Variants in COL25A1 observed in about 807,000 individuals in gnomAD.
The protein encoded by COL25A1 is collagen alpha-1(XXV) chain.
COL25A1 carries 103 observed loss-of-function variants against 128.4 expected under a neutral mutation model. The ratio of observed to expected loss-of-function variants is 0.80; its 90% CI spans 0.68 to 0.94. The LOEUF is 0.94. COL25A1 is among the 40% of genes least tolerant of loss of function. The probability of loss-of-function intolerance (pLI) is 0.00; values close to 1 mark genes in which losing one functional copy is unlikely to be tolerated. For missense variants in COL25A1, 745 were observed against 840.0 expected, an observed-to-expected ratio of 0.89 and a Z score of 1.40; for synonymous variants, 279 against 277.2, an observed-to-expected ratio of 1.01 and a Z score of -0.06.
intron 3 of COL25A1, among the ~76,000 whole-genome samples, chr4:109,079,039 T>TA (rs1763615203): frequency 6.6e-6 from 1 of 152,244 alleles, no homozygotes; most frequent in African/African-American, 2.4e-5. Flanking sequence ...AGAAGAATCT[T>TA]ACAATTTCTG....
chr4:108,863,179 G>T (rs1048575527), intron 21 of COL25A1, 140 bp downstream of exon 21: 5 of 790,114 alleles, frequency 6.3e-6, no homozygotes, highest in Non-Finnish European at 1.1e-5. Flanking sequence ...CTTTTGAAAA[G>T]AACCAGTTGG....
At chr4:108,973,659 T>C (rs1326551451) in intron 8 of COL25A1, among the ~76,000 whole-genome samples, 1 of 152,180 alleles carries the variant, frequency 6.6e-6, no homozygotes, top group African/African-American at 2.4e-5. Context: ...TTGAGAGGTA[T>C]GTCGAACGGA....
chr4:109,071,936 T>A (rs1055227959), intron 3 of COL25A1, among the ~76,000 whole-genome samples: 1 of 152,214 alleles, frequency 6.6e-6, no homozygotes, highest in African/African-American at 2.4e-5. Flanking sequence ...GACCCAGCCA[T>A]CCCATTACTG....
chr4:109,210,682 C>G (rs1777423243), intron 3 of COL25A1, among the ~76,000 whole-genome samples: 1 of 152,050 alleles, frequency 6.6e-6, no homozygotes, highest in Non-Finnish European at 1.5e-5. Flanking sequence ...AAAATACAGT[C>G]TCAATCTGAC....
intron 3 of COL25A1, among the ~76,000 whole-genome samples, chr4:109,193,044 T>C (rs1308765238): frequency 6.6e-6 from 1 of 152,120 alleles, no homozygotes; most frequent in East Asian, 1.9e-4. Flanking sequence ...TTCTATATCG[T>C]TGTGTAATAC....
intron 19 of COL25A1, among the ~76,000 whole-genome samples, chr4:108,872,231 C>A (rs907124046): frequency 1.4e-4 from 21 of 152,076 alleles, no homozygotes; most frequent in Admixed American, 4.6e-4. Context: ...GCCTGGCCAA[C>A]ATGGTGAAAA....
At chr4:108,955,947 C>T (rs1395829766) in intron 8 of COL25A1, among the ~76,000 whole-genome samples, 1 of 151,826 alleles carries the variant, frequency 6.6e-6, no homozygotes, top group African/African-American at 2.4e-5. Flanking sequence ...GTGTTTTAGC[C>T]AAATAAACAG....
chr4:108,823,018 A>T (rs745471031), intron 35 of COL25A1, among the ~76,000 whole-genome samples: 1 of 152,122 alleles, frequency 6.6e-6, no homozygotes, highest in Non-Finnish European at 1.5e-5. Context: ...GGGCTCTCTT[A>T]CCAATGGGTG....
Position 108,951,676 on chromosome 4 carries a change from G to A in COL25A1, c.493-10239C>T, listed in dbSNP as rs574922484. Among the ~76,000 whole-genome samples the A allele has an allele frequency of 9.9e-5, 15 of 152,260 alleles. No homozygotes were observed. In the East Asian group the frequency reaches 2.1e-3, roughly 22 times the overall value. On this transcript the variant is annotated intron_variant, in intron 8 of 37. Transcript: ENST00000399132. ...GTTGGGATTACAGGCGTAAGCCACC[G>A]CGCCCAGCCAAAATATTTTTTCTTA...
intron 3 of COL25A1, among the ~76,000 whole-genome samples, chr4:109,153,089 T>C (rs1298806014): frequency 1.3e-5 from 2 of 152,176 alleles, no homozygotes; most frequent in African/African-American, 4.8e-5. Flanking sequence ...TTTTAAGTGC[T>C]ACAAAAGTAC....
Position 109,197,443 on chromosome 4 carries a change from A to ATATATAAATATTATATATTATATATAT in COL25A1, c.367+103139_367+103140insATATATATAATATATAATATTTATATA, listed in dbSNP as rs1776172817. Among the ~76,000 whole-genome samples, 4 of 117,978 alleles carry ATATATAAATATTATATATTATATATAT rather than the reference A, an allele frequency of 3.4e-5. No homozygotes were observed. In the South Asian group the frequency reaches 7.2e-4, roughly 21 times the overall value. The allele number at this position is 117,978 out of a possible 152,430, so 77.4% of individuals were successfully genotyped here. ...ATATTATATATAAATATTATATATT[A>ATATATAAATATTATATATTATATATAT]TATATATTATATATAAATATTATAT... is the stretch of plus-strand genomic sequence containing the variant. On this transcript the variant is annotated intron_variant, in intron 3 of 37. Coordinates refer to ENST00000399132, the MANE Select transcript of COL25A1 (RefSeq NM_198721.4).
intron 14 of COL25A1, among the ~76,000 whole-genome samples, chr4:108,899,787 G>C (rs1229984809): frequency 6.6e-6 from 1 of 151,940 alleles, no homozygotes; most frequent in African/African-American, 2.4e-5. Context: ...ACTAGAATGG[G>C]GCAGAATTGA....
At chr4:109,298,089 T>G (rs1360504715) in intron 3 of COL25A1, among the ~76,000 whole-genome samples, 1 of 152,050 alleles carries the variant, frequency 6.6e-6, no homozygotes, top group Non-Finnish European at 1.5e-5. Context: ...CATGTTAAGT[T>G]AATCATCTTC....
intron 11 of COL25A1, among the ~76,000 whole-genome samples, chr4:108,932,937 G>T (rs1328951413): frequency 1.3e-5 from 2 of 152,122 alleles, no homozygotes; most frequent in Non-Finnish European, 2.9e-5. Context: ...TCCTTATTTA[G>T]ATGGAGTCAA....
intron 3 of COL25A1, among the ~76,000 whole-genome samples, chr4:109,059,303 T>C (rs929423986): frequency 1.3e-5 from 2 of 152,152 alleles, no homozygotes; most frequent in Non-Finnish European, 2.9e-5. Context: ...AGGTAGTAAA[T>C]GGTGGGTTAG....
chr4:108,920,205 T>G (rs1340272558), intron 12 of COL25A1, among the ~76,000 whole-genome samples: 1 of 152,214 alleles, frequency 6.6e-6, no homozygotes, highest in Non-Finnish European at 1.5e-5. Context: ...ATCCTTTTTT[T>G]GGGCTCAGTT....
At chr4:109,142,858 A>T (rs1303488168) in intron 3 of COL25A1, among the ~76,000 whole-genome samples, 1 of 151,886 alleles carries the variant, frequency 6.6e-6, no homozygotes, top group Non-Finnish European at 1.5e-5. Flanking sequence ...TTGACTCTTT[A>T]TCCAATTTGC....
intron 31 of COL25A1, 132 bp from the exon 32 acceptor site, chr4:108,832,565 TATGCTTG>T (rs1185266168): frequency 1.7e-6 from 1 of 600,014 alleles, no homozygotes; most frequent in East Asian, 2.9e-5. Context: ...CAAAGTGCTT[TATGCTTG>T]ATTATTTCAG....
chr4:108,906,750 C>G (rs763943055), intron 13 of COL25A1, among the ~76,000 whole-genome samples: 1 of 152,188 alleles, frequency 6.6e-6, no homozygotes, highest in African/African-American at 2.4e-5. Flanking sequence ...CCCATCACCA[C>G]TAGTCTATGA....
Sources: allele counts gnomAD v4.1 joint callset (sites outside exome capture counted in the v4.1 genomes callset), GRCh38; gene constraint gnomAD v4.1.1; transcripts MANE v1.5; gene names NCBI Gene and HGNC (gene_info 2026-07-23, HGNC 2026-07-21).